The following RP1 variants were observed in gnomAD, a reference collection of about 807,000 sequenced individuals.
RP1 encodes RP1 axonemal microtubule associated.
In RP1, 16 loss-of-function variants were observed where a neutral mutation model predicts 14.8. The observed-to-expected ratio is 1.08, with a 90% CI of 0.73 to 1.65. RP1 has a LOEUF of 1.65. Ranked by LOEUF, RP1 falls within the 40% of genes most tolerant of loss-of-function variation. The pLI, the probability that RP1 is intolerant of heterozygous loss-of-function variation, is 0.00. For synonymous variants in RP1, 876 were observed against 883.6 expected, an observed-to-expected ratio of 0.99 and a Z score of 0.15; for missense variants, 2,631 against 2,535.0, an observed-to-expected ratio of 1.04 and a Z score of -0.81.
chr8:54,863,044 GATATATATATATATATATATATATAT>G (rs61233765), intron 27 of RP1, among the ~76,000 whole-genome samples: 21 of 101,834 alleles, frequency 2.1e-4, no homozygotes, highest in Non-Finnish European at 4.1e-4. Flanking sequence ...ATTCCAAATG[GATATATATATATATATATATATATAT>G]ATATATATGC....
intron 7 of RP1, among the ~76,000 whole-genome samples, chr8:54,669,512 C>G (rs532514131): frequency 6.6e-6 from 1 of 152,180 alleles, no homozygotes; most frequent in Non-Finnish European, 1.5e-5. Flanking sequence ...CTTGACCCAG[C>G]GACCCCATTA....
chr8:54,830,023 A>C lies in RP1; in HGVS notation c.3616-7427A>C, dbSNP rs1383289739. On this transcript the variant is annotated intron_variant, in intron 24 of 28. Coordinates refer to the RP1 transcript ENST00000637698. ...ATGTATTCTGAAGCTTTTGGATATA[A>C]TGTACTCTGAATATCAGTTAGGGCA... 5.3e-5 allele frequency among the ~76,000 whole-genome samples: 8 copies of C among 152,182 alleles called. No individual in the cohort carries two copies. In the East Asian group the frequency reaches 9.6e-4, roughly 18 times the overall value.
chr8:54,761,038 C>T (rs1383351868), intron 22 of RP1, among the ~76,000 whole-genome samples: 1 of 152,068 alleles, frequency 6.6e-6, no homozygotes, highest in Non-Finnish European at 1.5e-5. Context: ...CTGTTTTATT[C>T]CCTGCATCAG....
At chr8:54,754,667 AC>A in intron 19 of RP1, 1 of 840,146 alleles carries the variant, frequency 1.2e-6, no homozygotes, top group Non-Finnish European at 1.6e-6. Context: ...GACTACTACT[AC>A]TAACAACCAT....
At chr8:54,734,055 C>A (rs62514649) in intron 17 of RP1, among the ~76,000 whole-genome samples, 13 of 152,064 alleles carry the variant, frequency 8.5e-5, no homozygotes, top group African/African-American at 2.4e-4. Flanking sequence ...CCATTGCCCA[C>A]GCCAGTAAGG....
chr8:54,755,472 T>C (rs1809480293), intron 20 of RP1: 1 of 771,006 alleles, frequency 1.3e-6, no homozygotes, highest in Non-Finnish European at 2.0e-6. Context: ...AGTCTCTCAA[T>C]AGACACAGAA....
At chr8:54,673,569 C>T (rs1807226346) in intron 7 of RP1, among the ~76,000 whole-genome samples, 1 of 152,190 alleles carries the variant, frequency 6.6e-6, no homozygotes, top group South Asian at 2.1e-4. Context: ...GCCAAACCTC[C>T]TCTCTACAAA....
intron 6 of RP1, among the ~76,000 whole-genome samples, chr8:54,660,008 GTAT>G (rs1200018560): frequency 3.3e-5 from 5 of 151,878 alleles, no homozygotes; most frequent in Non-Finnish European, 7.4e-5. Flanking sequence ...ATTTCTTTTT[GTAT>G]TATTCTTTGT....
chr8:54,584,869 C>G (rs552857040), intron 1 of RP1, among the ~76,000 whole-genome samples: 1 of 152,258 alleles, frequency 6.6e-6, no homozygotes, highest in South Asian at 2.1e-4. Context: ...CTTCCTCCAT[C>G]CCTTTATTTT....
At chr8:54,860,238 G>GC (rs1488019561) in intron 27 of RP1, among the ~76,000 whole-genome samples, 2 of 151,888 alleles carry the variant, frequency 1.3e-5, no homozygotes, top group Non-Finnish European at 2.9e-5. Context: ...TTTGATGGAG[G>GC]GAGCAATAAA....
chr8:54,870,463 G>C (rs1812563830), exon 29 of RP1: 1 of 152,122 alleles, frequency 6.6e-6, no homozygotes, highest in Non-Finnish European at 1.5e-5. Context: ...AAATCAATAA[G>C]AAAATGTAGA....
intron 26 of RP1, chr8:54,852,746 T>TC: frequency 8.1e-7 from 1 of 1,231,550 alleles, no homozygotes; most frequent in Non-Finnish European, 1.0e-6. Context: ...AAACAGGTCT[T>TC]CATCAGTTTT....
chr8:54,795,506 T>C (rs1810558677), intron 24 of RP1, among the ~76,000 whole-genome samples: 1 of 152,124 alleles, frequency 6.6e-6, no homozygotes, highest in African/African-American at 2.4e-5. Flanking sequence ...ATATCAATCA[T>C]TTTTTATTTA....
intron 12 of RP1, among the ~76,000 whole-genome samples, chr8:54,682,597 T>A (rs1807461199): frequency 6.6e-6 from 1 of 152,158 alleles, no homozygotes; most frequent in Admixed American, 6.5e-5. Flanking sequence ...TGAGATGGTA[T>A]CTCATTGTGG....
Position 54,621,460 on chromosome 8 carries a change from A to C in RP1, c.494A>C (p.Lys165Thr). 6.2e-7 allele frequency: 1 copy of C among 1,614,036 alleles called. No individual in the cohort carries two copies. The highest frequency in any genetic ancestry group is 8.5e-7 in the Non-Finnish European group (1 of 1,180,032). The change falls in exon 2 of 4, where the codon AAG becomes ACG. Residue 165 changes from lysine (K) to threonine (T), a missense_variant. Transcript: ENST00000220676. ...SLVVFRNGDPKTRRAVLLSRR... is the reference protein window; with the variant it reads ...SLVVFRNGDPTTRRAVLLSRR... The stretch of plus-strand genomic sequence containing the variant: ...GTGGTCTTCAGGAATGGCGACCCGA[A>C]GACGAGGCGTGCGGTTCTTCTGAGC...
chr8:54,811,973 T>C (rs1383081706), intron 24 of RP1, among the ~76,000 whole-genome samples: 1 of 152,232 alleles, frequency 6.6e-6, no homozygotes, highest in Non-Finnish European at 1.5e-5. Flanking sequence ...AAACATTGTA[T>C]AATTGAACAA....
chr8:54,617,406 T>C (rs1285561687), intron 1 of RP1, among the ~76,000 whole-genome samples: 3 of 152,234 alleles, frequency 2.0e-5, no homozygotes, highest in Admixed American at 2.0e-4. Context: ...CAAATTCTGA[T>C]TCGTTCTTAA....
chr8:54,679,959 G>T, intron 12 of RP1: 3 of 1,533,260 alleles, frequency 2.0e-6, no homozygotes, highest in Non-Finnish European at 2.6e-6. Flanking sequence ...AAAGCTTGTG[G>T]TGCTGGACAG....
intron 1 of RP1, among the ~76,000 whole-genome samples, chr8:54,595,826 A>G (rs4404891): frequency 0.3 from 45,889 of 152,150 alleles, 8,287 homozygotes; most frequent in Non-Finnish European, 0.41. Context: ...CTTTTATTAT[A>G]AAAGAAAATA....
Sources: allele counts gnomAD v4.1 joint callset (sites outside exome capture counted in the v4.1 genomes callset), GRCh38; gene constraint gnomAD v4.1.1; transcripts MANE v1.5; gene names NCBI Gene and HGNC (gene_info 2026-07-23, HGNC 2026-07-21).